SLIT2: variants seen among roughly 807,000 people sequenced by gnomAD.
SLIT2 encodes slit guidance ligand 2.
In SLIT2, 41 loss-of-function variants were observed where a neutral mutation model predicts 185.7. That is an observed-to-expected ratio of 0.22 (90% confidence interval 0.17 to 0.29). The LOEUF (loss-of-function observed/expected upper bound fraction) is 0.29. Among genes scored for constraint, SLIT2 ranks in the 10% least tolerant of loss-of-function variants. SLIT2 has a pLI of 1.00. For missense variants in SLIT2, 1,571 were observed against 1,909.0 expected, an observed-to-expected ratio of 0.82 and a Z score of 3.30; for synonymous variants, 693 against 680.2, an observed-to-expected ratio of 1.02 and a Z score of -0.29.
chr4:20,430,986 C>G (rs1027847390), intron 4 of SLIT2, among the ~76,000 whole-genome samples: 1 of 152,206 alleles, frequency 6.6e-6, no homozygotes, highest in Non-Finnish European at 1.5e-5. Flanking sequence ...TCTTAACAGA[C>G]TGTTTGGTTG....
At chr4:20,461,820 C>A (rs1175629420) in intron 4 of SLIT2, among the ~76,000 whole-genome samples, 1 of 152,054 alleles carries the variant, frequency 6.6e-6, no homozygotes, top group African/African-American at 2.4e-5. Context: ...GATATAAACT[C>A]AAATTTGGAA....
chr4:20,256,225 C>T (rs1259166220), intron 1 of SLIT2, among the ~76,000 whole-genome samples: 1 of 151,914 alleles, frequency 6.6e-6, no homozygotes, highest in East Asian at 1.9e-4. Context: ...CACCATGCTA[C>T]CTAAGGACAG....
chr4:20,411,652 G>A (rs1332251805), intron 4 of SLIT2, among the ~76,000 whole-genome samples: 1 of 152,176 alleles, frequency 6.6e-6, no homozygotes, highest in Non-Finnish European at 1.5e-5. Context: ...CTGTGATAGA[G>A]CTTCAAGATA....
intron 22 of SLIT2, among the ~76,000 whole-genome samples, chr4:20,547,591 C>T (rs866102904): frequency 1.3e-5 from 2 of 151,812 alleles, no homozygotes; most frequent in East Asian, 1.9e-4. Context: ...AGATTATCCT[C>T]GGTTTTTCTG....
Position 20,555,022 on chromosome 4 carries a change from G to A in SLIT2, c.2725+1054G>A, listed in dbSNP as rs917638095. 1.3e-5 allele frequency among the ~76,000 whole-genome samples: 2 copies of A among 151,138 alleles called. 1 individual carries two copies. The highest frequency in any genetic ancestry group is 4.2e-4 in the South Asian group (2 of 4,814). ...TGACCTCATGATCCACACCCCCTTG[G>A]CCTCCCAAAGTGCTGGGATTACAGG... On this transcript the variant is annotated intron_variant, in intron 26 of 36. Transcript: ENST00000504154.
At chr4:20,474,901 C>T (rs563333259) in intron 5 of SLIT2, among the ~76,000 whole-genome samples, 1 of 151,740 alleles carries the variant, frequency 6.6e-6, no homozygotes, top group South Asian at 2.1e-4. Context: ...TGGCAAAGCC[C>T]TGGGAATAGA....
At chr4:20,400,603 T>A (rs1047781849) in intron 4 of SLIT2, among the ~76,000 whole-genome samples, 4 of 151,442 alleles carry the variant, frequency 2.6e-5, no homozygotes, top group African/African-American at 7.3e-5. Context: ...TCTACATAAA[T>A]CTAGGAGTCA....
chr4:20,430,722 C>T (rs1289793736), intron 4 of SLIT2, among the ~76,000 whole-genome samples: 2 of 152,184 alleles, frequency 1.3e-5, no homozygotes, highest in East Asian at 1.9e-4. Context: ...ACAACTTGCT[C>T]ATCCTCCCGC....
At chr4:20,274,070 G>T (rs1187181764) in intron 4 of SLIT2, among the ~76,000 whole-genome samples, 1 of 152,176 alleles carries the variant, frequency 6.6e-6, no homozygotes, top group Non-Finnish European at 1.5e-5. Context: ...TGTGCTAAGG[G>T]TGAAAGTTCC....
At chr4:20,519,233 T>C (rs951645383) in intron 11 of SLIT2, 149 bp from the exon 12 acceptor site, 6 of 620,676 alleles carry the variant, frequency 9.7e-6, no homozygotes, top group Non-Finnish European at 1.7e-5. Context: ...GCAAAAGACA[T>C]TTGCAAATGG....
chr4:20,258,885 A>T (rs762691762), intron 3 of SLIT2, among the ~76,000 whole-genome samples: 9 of 151,738 alleles, frequency 5.9e-5, no homozygotes, highest in African/African-American at 1.7e-4. Flanking sequence ...ATAAAATCTA[A>T]TGTTCATTTT....
intron 4 of SLIT2, among the ~76,000 whole-genome samples, chr4:20,300,532 C>T (rs1411273361): frequency 6.6e-6 from 1 of 152,014 alleles, no homozygotes; most frequent in Admixed American, 6.6e-5. Context: ...AGCTACGTAT[C>T]TATATATCCT....
intron 3 of SLIT2, among the ~76,000 whole-genome samples, chr4:20,264,760 C>T (rs1409928428): frequency 6.6e-6 from 1 of 151,912 alleles, no homozygotes; most frequent in African/African-American, 2.4e-5. Context: ...ACAGAGCAAA[C>T]AGTTACTGGA....
At position 20,312,245 on chromosome 4, in the gene SLIT2, A is replaced by G. The variant is rs534628981; in HGVS notation, c.395+43364A>G. On this transcript the variant is annotated intron_variant, in intron 4 of 36. Transcript: ENST00000504154. ...AAAATTTGAGTTACTCAACCAACTC[A>G]ACTAACTTAGGCATTTTATTGTGAA... is the stretch of plus-strand genomic sequence containing the variant. Among the ~76,000 whole-genome samples the G allele has an allele frequency of 2.4e-3, 373 of 152,330 alleles. 2 individuals are homozygous for G. Among genetic ancestry groups the G allele is most frequent in the Middle Eastern group, 0.024 (7 of 294 alleles).
At chr4:20,275,215 A>G (rs1714045276) in intron 4 of SLIT2, among the ~76,000 whole-genome samples, 1 of 152,154 alleles carries the variant, frequency 6.6e-6, no homozygotes, top group Non-Finnish European at 1.5e-5. Context: ...GTTTTAAGAC[A>G]CTGAAATCAA....
intron 33 of SLIT2, among the ~76,000 whole-genome samples, chr4:20,605,995 C>T (rs1427712005): frequency 1.3e-5 from 2 of 152,028 alleles, no homozygotes; most frequent in Admixed American, 6.6e-5. Context: ...GCAATCCGCC[C>T]ATCTTGGCCT....
At chr4:20,403,452 G>A (rs1726515604) in intron 4 of SLIT2, among the ~76,000 whole-genome samples, 1 of 151,890 alleles carries the variant, frequency 6.6e-6, no homozygotes, top group Non-Finnish European at 1.5e-5. Context: ...CTGTTAGCAT[G>A]ATGAACTAAT....
At chr4:20,295,542 G>T (rs1453974963) in intron 4 of SLIT2, among the ~76,000 whole-genome samples, 1 of 152,148 alleles carries the variant, frequency 6.6e-6, no homozygotes, top group Non-Finnish European at 1.5e-5. Context: ...ATGACCGTCA[G>T]CTCTCTTAGT....
intron 34 of SLIT2, among the ~76,000 whole-genome samples, chr4:20,611,919 C>T (rs1031033252): frequency 1.3e-5 from 2 of 152,148 alleles, no homozygotes; most frequent in African/African-American, 4.8e-5. Context: ...CCTGCATTGC[C>T]ATTCACTTCT....
Sources: gnomAD v4.1 joint callset for allele counts (sites outside exome capture counted in the v4.1 genomes callset) on GRCh38, gnomAD v4.1.1 for gene constraint, MANE v1.5 for transcripts, NCBI Gene and HGNC (gene_info 2026-07-23, HGNC 2026-07-21) for gene names.